The following CAMTA1 variants were observed in gnomAD, a reference collection of about 807,000 sequenced individuals.
The protein encoded by CAMTA1 is calmodulin-binding transcription activator 1.
A neutral mutation model predicts 170.9 loss-of-function variants in CAMTA1; 27 were observed. That is an observed-to-expected ratio of 0.16 (90% confidence interval 0.12 to 0.22). The LOEUF is 0.22. Ranked by LOEUF, CAMTA1 falls within the 10% of genes least tolerant of loss-of-function variation. The pLI, the probability that CAMTA1 is intolerant of heterozygous loss-of-function variation, is 1.00. For synonymous variants in CAMTA1, 833 were observed against 891.5 expected (o/e 0.93, Z 1.17); for missense variants, 1,619 against 2,217.2 (o/e 0.73, Z 5.42).
intron 6 of CAMTA1, among the ~76,000 whole-genome samples, chr1:7,506,695 A>G (rs1053485454): frequency 6.6e-6 from 1 of 151,804 alleles, no homozygotes; most frequent in African/African-American, 2.4e-5. Context: ...CACACTCGAA[A>G]TGCACACTCA....
intron 4 of CAMTA1, among the ~76,000 whole-genome samples, chr1:7,241,677 A>C (rs1664880903): frequency 6.6e-6 from 1 of 152,232 alleles, no homozygotes; most frequent in Admixed American, 6.5e-5. Context: ...GTGCAAAAGC[A>C]ATTCAGTGGA....
chr1:7,513,853 C>T (rs1308145953), intron 6 of CAMTA1, among the ~76,000 whole-genome samples: 2 of 152,142 alleles, frequency 1.3e-5, no homozygotes, highest in Non-Finnish European at 2.9e-5. Flanking sequence ...ACCTGGGAGG[C>T]AGAGGTTGCA....
chr1:6,988,815 G>A (rs1190665524), intron 3 of CAMTA1, among the ~76,000 whole-genome samples: 5 of 152,204 alleles, frequency 3.3e-5, no homozygotes, highest in Admixed American at 6.5e-5. Context: ...AAATGGTATC[G>A]TAAAGAGTTT....
intron 11 of CAMTA1, among the ~76,000 whole-genome samples, chr1:7,704,461 G>A (rs1270553266): frequency 6.8e-6 from 1 of 146,098 alleles, no homozygotes; most frequent in Non-Finnish European, 1.5e-5. Flanking sequence ...GAGGGACCGG[G>A]GGCCCGGCTC....
intron 11 of CAMTA1, among the ~76,000 whole-genome samples, chr1:7,688,011 C>T (rs202103822): frequency 3.9e-5 from 4 of 103,278 alleles, no homozygotes; most frequent in Non-Finnish European, 5.7e-5. Context: ...CTCATTATTC[C>T]TTTTTTTTTT....
intron 6 of CAMTA1, among the ~76,000 whole-genome samples, chr1:7,630,389 T>C (rs1289482487): frequency 6.6e-6 from 1 of 152,200 alleles, no homozygotes; most frequent in African/African-American, 2.4e-5. Context: ...TCTCCCACCA[T>C]AAATGTGTTT....
chr1:7,614,801 G>A (rs896564072), intron 6 of CAMTA1, among the ~76,000 whole-genome samples: 10 of 152,074 alleles, frequency 6.6e-5, no homozygotes, highest in African/African-American at 1.7e-4. Context: ...CCCACCTCCC[G>A]AGGCTCCTGT....
At chr1:7,032,217 G>A (rs995850773) in intron 3 of CAMTA1, among the ~76,000 whole-genome samples, 3 of 152,048 alleles carry the variant, frequency 2.0e-5, no homozygotes, top group Non-Finnish European at 2.9e-5. Flanking sequence ...CACCTGCCTC[G>A]GCCTCCCAGA....
intron 3 of CAMTA1, among the ~76,000 whole-genome samples, chr1:7,081,101 G>A (rs748198941): frequency 2.6e-5 from 4 of 152,198 alleles, no homozygotes; most frequent in East Asian, 1.9e-4. Flanking sequence ...TGTCACTTGC[G>A]GATGTCAATT....
intron 3 of CAMTA1, among the ~76,000 whole-genome samples, chr1:6,892,151 G>A (rs1674639344): frequency 6.6e-6 from 1 of 152,200 alleles, no homozygotes; most frequent in Non-Finnish European, 1.5e-5. Flanking sequence ...TTAAAGTCTA[G>A]TAGACAATTT....
At chr1:7,586,384 G>A (rs1041404826) in intron 6 of CAMTA1, among the ~76,000 whole-genome samples, 2 of 152,196 alleles carry the variant, frequency 1.3e-5, no homozygotes, top group African/African-American at 4.8e-5. Flanking sequence ...CCAGAGGCCC[G>A]AGATAAAGCC....
intron 3 of CAMTA1, among the ~76,000 whole-genome samples, chr1:6,903,303 C>T (rs1319725730): frequency 6.6e-6 from 1 of 152,146 alleles, no homozygotes; most frequent in Non-Finnish European, 1.5e-5. Flanking sequence ...AGTGTAGGCT[C>T]ACTCCCATTT....
chr1:7,086,323 T>G (rs889046698), intron 3 of CAMTA1, among the ~76,000 whole-genome samples: 6 of 152,126 alleles, frequency 3.9e-5, no homozygotes, highest in Non-Finnish European at 8.8e-5. Flanking sequence ...CGCACACACG[T>G]GGTCCTTAGG....
chr1:7,503,194 A>T (rs1428990682), intron 6 of CAMTA1, among the ~76,000 whole-genome samples: 1 of 152,130 alleles, frequency 6.6e-6, no homozygotes, highest in Non-Finnish European at 1.5e-5. Flanking sequence ...GGGCCAGACG[A>T]TCAGAAAAGT....
At chr1:7,416,136 G>T (rs537237181) in intron 5 of CAMTA1, among the ~76,000 whole-genome samples, 1 of 152,192 alleles carries the variant, frequency 6.6e-6, no homozygotes, top group African/African-American at 2.4e-5. Flanking sequence ...TCCGCTGTTA[G>T]TCTGATGGGC....
chr1:7,320,414 T>C, intron 5 of CAMTA1, among the ~76,000 whole-genome samples: 1 of 152,210 alleles, frequency 6.6e-6, no homozygotes, highest in East Asian at 1.9e-4. Context: ...ATATGCTATG[T>C]ATCTGAGGCT....
intron 5 of CAMTA1, among the ~76,000 whole-genome samples, chr1:7,371,015 C>T (rs1164683848): frequency 2.0e-4 from 28 of 143,224 alleles, no homozygotes; most frequent in South Asian, 9.0e-4. Flanking sequence ...AGGTTCACAC[C>T]ATTCTCCTGC....
Position 7,585,787 on chromosome 1 carries a change from A to T in CAMTA1, c.511-54613A>T, listed in dbSNP as rs1434273235. Among the ~76,000 whole-genome samples, 1 of 152,020 alleles carries T rather than the reference A, an allele frequency of 6.6e-6. No individual in the cohort carries two copies. Among genetic ancestry groups the T allele is most frequent in the Non-Finnish European group, 1.5e-5 (1 of 68,010 alleles). On this transcript the variant is annotated intron_variant, in intron 6 of 22. Coordinates refer to ENST00000303635, the MANE Select transcript of CAMTA1 (RefSeq NM_015215.4). The surrounding 1 kb of genome is among the most constrained non-coding windows in gnomAD (Gnocchi z 4.8). Reference sequence around the variant, plus strand: ...GACAGACAGGCCAGAGACACGGCTCATCTGTCCCTCATCCACCTCCAGCTT... The same window carrying T: ...GACAGACAGGCCAGAGACACGGCTCTTCTGTCCCTCATCCACCTCCAGCTT...
chr1:7,750,258 C>G (rs1274871514), intron 19 of CAMTA1, among the ~76,000 whole-genome samples: 1 of 152,194 alleles, frequency 6.6e-6, no homozygotes, highest in African/African-American at 2.4e-5. Flanking sequence ...GGTTCTTGGA[C>G]AATTCTGAGA....
Sources: allele counts gnomAD v4.1 joint callset (sites outside exome capture counted in the v4.1 genomes callset), GRCh38; gene constraint gnomAD v4.1.1; non-coding constraint Gnocchi (gnomAD v3.1); transcripts MANE v1.5; gene names NCBI Gene and HGNC (gene_info 2026-07-23, HGNC 2026-07-21).